Variants in SERPINI1 observed in about 807,000 individuals in gnomAD.
SERPINI1 encodes serpin family I member 1.
A neutral mutation model predicts 41.1 loss-of-function variants in SERPINI1; 19 were observed. That is an observed-to-expected ratio of 0.46 (90% CI 0.32 to 0.68). The LOEUF (loss-of-function observed/expected upper bound fraction) is 0.68. Ranked by LOEUF, SERPINI1 falls within the 30% of genes least tolerant of loss-of-function variation. The pLI is 0.03. For missense variants in SERPINI1, 460 were observed against 479.2 expected (o/e 0.96, Z 0.37); for synonymous variants, 138 against 156.6 (o/e 0.88, Z 0.89).
Position 167,824,482 on chromosome 3 carries a change from C to T in SERPINI1, c.1076C>T (p.Ala359Val). The T allele has an allele frequency of 1.2e-6, 2 of 1,612,720 alleles. No homozygotes were observed. The highest frequency in any genetic ancestry group is 1.7e-6 in the Non-Finnish European group (2 of 1,178,914). The change falls in exon 8 of 9, where the codon GCA becomes GTA. Residue 359 changes from alanine (A) to valine (V), a missense_variant. Ala to Val is a moderately conservative substitution (Grantham distance 64, BLOSUM62 0). Transcript: ENST00000446050. Reference sequence around the variant, plus strand: ...TTTATCTGCACTGTAGGAATGATTGCAATTAGTAGGATGGCTGTGCTGTAT... The same window carrying T: ...TTTATCTGCACTGTAGGAATGATTGTAATTAGTAGGATGGCTGTGCTGTAT... ...SEAAAVSGMIAISRMAVLYPQ... is the reference protein window; with the variant it reads ...SEAAAVSGMIVISRMAVLYPQ...
intron 1 of SERPINI1, among the ~76,000 whole-genome samples, chr3:167,779,656 A>G (rs9815034): frequency 0.45 from 68,376 of 151,950 alleles, 16,336 homozygotes; most frequent in African/African-American, 0.62. Flanking sequence ...CCATTCCCAA[A>G]TCTTCCATAA....
intron 6 of SERPINI1, 66 bp downstream of exon 6, chr3:167,807,407 A>AT: frequency 9.5e-7 from 1 of 1,049,308 alleles, no homozygotes; most frequent in Non-Finnish European, 1.5e-6. Flanking sequence ...GATGATATTA[A>AT]ATCCTCTATT....
Position 167,807,315 on chromosome 3 carries a change from A to G in SERPINI1, c.953A>G (p.Lys318Arg). The G allele has an allele frequency of 6.2e-7, 1 of 1,611,140 alleles. No individual in the cohort carries two copies. Among genetic ancestry groups the G allele is most frequent in the Non-Finnish European group, 8.5e-7 (1 of 1,177,706 alleles). Residue 318 changes from lysine (K) to arginine (R), a missense_variant, in exon 6 of 9, where the codon AAA (lysine) becomes AGA (arginine). Transcript: ENST00000446050. ...KALGITEIFI[K>R]DANLTGLSDN... ...CTTGGAATAACTGAAATTTTCATCA[A>G]AGATGCAAATTTGACAGGCCTCTCT...
chr3:167,810,053 T>C (rs960441194), intron 6 of SERPINI1, among the ~76,000 whole-genome samples: 1 of 152,136 alleles, frequency 6.6e-6, no homozygotes, highest in Non-Finnish European at 1.5e-5. Flanking sequence ...ACATTCCCCA[T>C]GCCATGCACA....
intron 2 of SERPINI1, 135 bp from the exon 3 acceptor site, chr3:167,790,237 G>C: frequency 1.5e-6 from 1 of 683,482 alleles, no homozygotes. Flanking sequence ...ATATCAATGT[G>C]GGGGAAAGCC....
At chr3:167,775,495 G>A (rs1038183772) in intron 1 of SERPINI1, among the ~76,000 whole-genome samples, 1 of 151,990 alleles carries the variant, frequency 6.6e-6, no homozygotes, top group African/African-American at 2.4e-5. Context: ...ATTAGAGGAT[G>A]AGTCAGGCTA....
intron 1 of SERPINI1, among the ~76,000 whole-genome samples, chr3:167,783,295 G>C (rs1727201860): frequency 6.6e-6 from 1 of 152,082 alleles, no homozygotes; most frequent in Non-Finnish European, 1.5e-5. Context: ...AATTGAACAT[G>C]AGGGAAAAAG....
chr3:167,771,343 ATTCT>A (rs887278473), intron 1 of SERPINI1, among the ~76,000 whole-genome samples: 2 of 152,210 alleles, frequency 1.3e-5, no homozygotes, highest in African/African-American at 4.8e-5. Flanking sequence ...AAATGAGAAG[ATTCT>A]TTATGTAATG....
intron 6 of SERPINI1, among the ~76,000 whole-genome samples, chr3:167,810,234 C>G (rs1711823304): frequency 6.6e-6 from 1 of 151,988 alleles, no homozygotes; most frequent in Non-Finnish European, 1.5e-5. Context: ...TTTTCCTCTC[C>G]AAATAACATA....
chr3:167,781,340 A>C (rs926456124), intron 1 of SERPINI1, among the ~76,000 whole-genome samples: 3 of 152,158 alleles, frequency 2.0e-5, no homozygotes, highest in Admixed American at 6.5e-5. Flanking sequence ...AATTTTTATG[A>C]GTTCAAAAAT....
At chr3:167,763,915 A>G (rs1226067336) in intron 1 of SERPINI1, among the ~76,000 whole-genome samples, 1 of 152,178 alleles carries the variant, frequency 6.6e-6, no homozygotes, top group Non-Finnish European at 1.5e-5. Context: ...TGAATAAATT[A>G]TATTCTCCCA....
At chr3:167,744,731 A>G (rs1577396112) in intron 1 of SERPINI1, among the ~76,000 whole-genome samples, 2 of 122,986 alleles carry the variant, frequency 1.6e-5, no homozygotes, top group Admixed American at 9.4e-5. Flanking sequence ...ATATATAAAT[A>G]TATATATTAT....
chr3:167,810,710 A>G (rs926522456), intron 6 of SERPINI1, among the ~76,000 whole-genome samples: 3 of 152,176 alleles, frequency 2.0e-5, no homozygotes, highest in Non-Finnish European at 4.4e-5. Context: ...AAATAAGACA[A>G]CAATGAAGTT....
At position 167,822,969 on chromosome 3, in the gene SERPINI1, TG is replaced by T; in HGVS notation, c.980-16del. 1 of 1,506,744 alleles carries T rather than the reference TG, an allele frequency of 6.6e-7. No individual in the cohort carries two copies. The highest frequency in any genetic ancestry group is 1.4e-5 in the African/African-American group (1 of 72,868). The allele number at this position is 1,506,744 out of a possible 1,614,324, so 93.3% of individuals were successfully genotyped here. ...TCTCTGAATGAAAAAAAAAAATTTC[TG>T]ATTCTCTTTTTGCAGATAATAAGGA... On this transcript the variant is annotated splice_polypyrimidine_tract_variant and intron_variant, in intron 6 of 8. Transcript: ENST00000446050.
At chr3:167,803,682 A>T (rs1227800315) in intron 5 of SERPINI1, among the ~76,000 whole-genome samples, 1 of 152,192 alleles carries the variant, frequency 6.6e-6, no homozygotes, top group Non-Finnish European at 1.5e-5. Flanking sequence ...TCATCACTAA[A>T]GTGTGAAACA....
chr3:167,768,844 AT>A, intron 1 of SERPINI1, among the ~76,000 whole-genome samples: 1 of 152,316 alleles, frequency 6.6e-6, no homozygotes, highest in Non-Finnish European at 1.5e-5. Flanking sequence ...AAATATGCTT[AT>A]GGTAAAGGTC....
At chr3:167,783,687 C>T (rs193049536) in intron 1 of SERPINI1, among the ~76,000 whole-genome samples, 11 of 152,174 alleles carry the variant, frequency 7.2e-5, no homozygotes, top group African/African-American at 2.4e-4. Context: ...AACCTAGAAA[C>T]TAAAAATAAC....
intron 6 of SERPINI1, among the ~76,000 whole-genome samples, chr3:167,822,045 C>G (rs763053533): frequency 6.6e-6 from 1 of 152,192 alleles, no homozygotes; most frequent in African/African-American, 2.4e-5. Context: ...CAATGTCAAT[C>G]TCGTCTAAAA....
chr3:167,748,748 TACTCTG>T (rs1725942220), intron 1 of SERPINI1, among the ~76,000 whole-genome samples: 2 of 116,874 alleles, frequency 1.7e-5, no homozygotes, highest in South Asian at 5.6e-4. Context: ...CAGAGTGTGT[TACTCTG>T]TGTGTGTGTG....
Sources: gnomAD v4.1 joint callset for allele counts (sites outside exome capture counted in the v4.1 genomes callset) on GRCh38, gnomAD v4.1.1 for gene constraint, MANE v1.5 for transcripts, NCBI Gene and HGNC (gene_info 2026-07-23, HGNC 2026-07-21) for gene names.